ALK: variants seen among roughly 807,000 people sequenced by gnomAD.
ALK encodes ALK receptor tyrosine kinase.
Under a neutral mutation model 163.1 loss-of-function variants are expected in ALK, and 74 were observed. The observed-to-expected ratio is 0.45, with a 90% CI of 0.38 to 0.55. ALK has a LOEUF of 0.55. ALK is among the 20% of genes least tolerant of loss of function. The pLI is 0.00. For missense variants in ALK, 2,063 were observed against 2,105.3 expected (o/e 0.98, Z 0.39); for synonymous variants, 960 against 843.2 (o/e 1.14, Z -2.40).
chr2:29,253,258 T>G (rs965847602), intron 11 of ALK, among the ~76,000 whole-genome samples: 2 of 152,308 alleles, frequency 1.3e-5, no homozygotes, highest in East Asian at 3.9e-4. Flanking sequence ...TACTCACTCC[T>G]GTGCCCAAAA....
chr2:29,555,224 T>A (rs1223139142), intron 3 of ALK, among the ~76,000 whole-genome samples: 1 of 152,042 alleles, frequency 6.6e-6, no homozygotes, highest in African/African-American at 2.4e-5. Flanking sequence ...CACTACCCCC[T>A]CAGATGGCCA....
chr2:29,570,647 C>T (rs4306679), intron 3 of ALK, among the ~76,000 whole-genome samples: 148,014 of 152,276 alleles, frequency 0.97, 72,090 homozygotes, highest in East Asian at 1. Flanking sequence ...ATGCCAGCTC[C>T]AGGGCAAGGA....
chr2:29,227,720 A>AATC lies in ALK; in HGVS notation c.2816-51_2816-49dup. ...GTTTAACATGGGGGGTGGGTGCCAA[A>AATC]ATCTTAACACACACACACGTCAGTG... On this transcript the variant is annotated intron_variant, in intron 16 of 28. Transcript: ENST00000389048. This position sits in a 1 kb window ranked among gnomAD's most constrained non-coding sequence, Gnocchi z 4.4. The AATC allele has an allele frequency of 6.9e-7, 1 of 1,446,832 alleles. No homozygotes were observed. Among genetic ancestry groups the AATC allele is most frequent in the Non-Finnish European group, 9.7e-7 (1 of 1,028,948 alleles). 89.6% of individuals were successfully genotyped at this position (1,446,832 alleles called of 1,614,324 possible). A position where few individuals can be genotyped will look rare whatever the true frequency, so the allele number is the denominator to read the frequency against.
chr2:29,523,129 G>A (rs1165807554), intron 4 of ALK, among the ~76,000 whole-genome samples: 1 of 152,068 alleles, frequency 6.6e-6, no homozygotes, highest in Non-Finnish European at 1.5e-5. Context: ...GGGCAGGAGG[G>A]GGAGGAAGAA....
At chr2:29,683,864 T>C (rs1484175179) in intron 3 of ALK, among the ~76,000 whole-genome samples, 1 of 152,200 alleles carries the variant, frequency 6.6e-6, no homozygotes, top group South Asian at 2.1e-4. Flanking sequence ...TACTCCACTA[T>C]GCCATTTTCC....
chr2:29,260,096 A>T (rs932439429), intron 11 of ALK, among the ~76,000 whole-genome samples: 3 of 152,180 alleles, frequency 2.0e-5, no homozygotes, highest in Non-Finnish European at 2.9e-5. Flanking sequence ...TCTATTTCTT[A>T]TAAGGCATAA....
At chr2:29,608,766 TAGAC>T (rs1675609417) in intron 3 of ALK, among the ~76,000 whole-genome samples, 3 of 152,206 alleles carry the variant, frequency 2.0e-5, no homozygotes, top group Admixed American at 2.0e-4. Context: ...GCATAAATCT[TAGAC>T]AGAGGACTTC....
At chr2:29,367,763 G>C (rs1668542185) in intron 5 of ALK, among the ~76,000 whole-genome samples, 1 of 152,160 alleles carries the variant, frequency 6.6e-6, no homozygotes, top group African/African-American at 2.4e-5. Context: ...TGTCATTGCT[G>C]TTATTATATT....
Position 29,719,338 on chromosome 2 carries a change from G to A in ALK, c.668-1641C>T, listed in dbSNP as rs187006027. Among the ~76,000 whole-genome samples the A allele has an allele frequency of 7.2e-5, 11 of 152,256 alleles. No individual in the cohort carries two copies. The East Asian group carries it at 2.1e-3, about 29-fold the overall frequency. ...AGGTACATCTTTCTGCAGCATTTCT[G>A]CAAAACAGCTCAGAGGAAATGCACT... On this transcript the variant is annotated intron_variant, in intron 1 of 28. Transcript: ENST00000389048.
At chr2:29,910,215 A>T (rs568128672) in intron 1 of ALK, among the ~76,000 whole-genome samples, 2 of 152,312 alleles carry the variant, frequency 1.3e-5, no homozygotes, top group East Asian at 3.9e-4. Flanking sequence ...AAATCAATAC[A>T]GTATCTAAAG....
chr2:29,861,029 G>C (rs984806767), intron 1 of ALK, among the ~76,000 whole-genome samples: 7 of 152,100 alleles, frequency 4.6e-5, no homozygotes, highest in Non-Finnish European at 1.0e-4. Context: ...AAAAGTGGTT[G>C]GGTATGGTGG....
chr2:29,318,245 C>T (rs1163170222), intron 8 of ALK, 59 bp downstream of exon 8: 1 of 1,432,500 alleles, frequency 7.0e-7, no homozygotes, highest in African/African-American at 1.4e-5. Context: ...AATCTGGGTT[C>T]CGGAAGTGAC....
chr2:29,289,661 G>A (rs1665966697), intron 9 of ALK, among the ~76,000 whole-genome samples: 1 of 152,178 alleles, frequency 6.6e-6, no homozygotes, highest in African/African-American at 2.4e-5. Context: ...CGAGAGGCAG[G>A]TGAGACATTC....
intron 1 of ALK, among the ~76,000 whole-genome samples, chr2:29,914,623 C>T (rs1447109490): frequency 6.6e-6 from 1 of 152,200 alleles, no homozygotes; most frequent in African/African-American, 2.4e-5. Flanking sequence ...ATTACTATCC[C>T]CATTTAGGAA....
chr2:29,395,010 G>C (rs1419858904), intron 4 of ALK, among the ~76,000 whole-genome samples: 2 of 152,164 alleles, frequency 1.3e-5, no homozygotes, highest in African/African-American at 4.8e-5. Context: ...AGCAGGGCTG[G>C]AGTTGGGGCA....
chr2:29,791,145 T>C (rs1031059950), intron 1 of ALK, among the ~76,000 whole-genome samples: 1 of 152,234 alleles, frequency 6.6e-6, no homozygotes, highest in African/African-American at 2.4e-5. Flanking sequence ...CCATATGTAA[T>C]TGATGTTGTC....
At chr2:29,789,681 T>C (rs1011482957) in intron 1 of ALK, among the ~76,000 whole-genome samples, 44 of 152,354 alleles carry the variant, frequency 2.9e-4, no homozygotes, top group African/African-American at 1.1e-3. Context: ...ATGGGGCTTC[T>C]CCTGGGTCTG....
intron 3 of ALK, among the ~76,000 whole-genome samples, chr2:29,622,708 C>T (rs1460204302): frequency 1.3e-5 from 2 of 152,188 alleles, no homozygotes; most frequent in Admixed American, 6.5e-5. Flanking sequence ...TGAAGTTCCA[C>T]AGTTGGGCCA....
In ALK at chr2:29,239,740, C is replaced by T. The variant is rs1419863514; in HGVS notation, c.2295G>A (p.Leu765=). 6.2e-7 allele frequency: 1 copy of T among 1,614,082 alleles called. No homozygotes were observed. Among genetic ancestry groups the T allele is most frequent in the Admixed American group, 1.7e-5 (1 of 60,026 alleles). Residue 765 remains leucine, a synonymous_variant, in exon 13 of 29, where the codon CTG becomes CTA. Transcript: ENST00000389048. ...GGATGTACAGCATGTCATCCTTCTC[C>T]AGGTTGAAGATGCCCAGCACAGACA... ...HGVSVLGIFN[L]EKDDMLYILV... is the part of the protein sequence containing the mutation.
Sources: gnomAD v4.1 joint callset for allele counts (sites outside exome capture counted in the v4.1 genomes callset) on GRCh38, gnomAD v4.1.1 for gene constraint, Gnocchi (gnomAD v3.1) non-coding constraint, MANE v1.5 for transcripts, NCBI Gene and HGNC (gene_info 2026-07-23, HGNC 2026-07-21) for gene names.